MAGI1: variants seen among roughly 807,000 people sequenced by gnomAD.
The protein encoded by MAGI1 is membrane-associated guanylate kinase, WW and PDZ domain-containing protein 1.
In MAGI1, 58 loss-of-function variants were observed where a neutral mutation model predicts 139.9. The ratio of observed to expected loss-of-function variants is 0.41; its 90% CI spans 0.34 to 0.52. The LOEUF is 0.52. Among genes scored for constraint, MAGI1 ranks in the 20% least tolerant of loss-of-function variants. The pLI, the probability that MAGI1 is intolerant of heterozygous loss-of-function variation, is 0.12. For missense variants in MAGI1, 1,874 were observed against 1,901.6 expected (o/e 0.99, Z 0.27); for synonymous variants, 812 against 737.9 (o/e 1.10, Z -1.63).
intron 1 of MAGI1, among the ~76,000 whole-genome samples, chr3:65,745,144 A>G (rs1370923321): frequency 6.6e-6 from 1 of 152,136 alleles, no homozygotes; most frequent in African/African-American, 2.4e-5. Flanking sequence ...CTATTTTCGC[A>G]TATTAAATTA....
intron 12 of MAGI1, among the ~76,000 whole-genome samples, chr3:65,413,863 T>A (rs1303346750): frequency 6.6e-6 from 1 of 152,090 alleles, no homozygotes; most frequent in East Asian, 1.9e-4. Context: ...TGCAGGAAAA[T>A]GCAAGAACTG....
chr3:65,429,416 T>A (rs891184640), intron 12 of MAGI1, 104 bp downstream of exon 12: 1 of 1,206,916 alleles, frequency 8.3e-7, no homozygotes, highest in Non-Finnish European at 1.1e-6. Context: ...TTTGAAACAT[T>A]TAAATAAATT....
chr3:65,576,140 T>C (rs186249533), intron 2 of MAGI1, among the ~76,000 whole-genome samples: 14 of 152,364 alleles, frequency 9.2e-5, no homozygotes, highest in African/African-American at 2.4e-5. Context: ...TTTATGTATA[T>C]ATACACACAG....
intron 1 of MAGI1, among the ~76,000 whole-genome samples, chr3:65,728,350 A>G (rs2033837664): frequency 6.6e-6 from 1 of 152,228 alleles, no homozygotes; most frequent in Non-Finnish European, 1.5e-5. Flanking sequence ...AAAGAGAGAC[A>G]GACCACGTGG....
At chr3:65,591,660 A>G (rs1197354916) in intron 2 of MAGI1, among the ~76,000 whole-genome samples, 1 of 152,112 alleles carries the variant, frequency 6.6e-6, no homozygotes, top group African/African-American at 2.4e-5. Context: ...TAAAATGTCT[A>G]GCATAATCTG....
chr3:65,356,579 G>C lies in MAGI1; in HGVS notation c.4188C>G (p.Ala1396=). The change falls in exon 23 of 23, where the codon GCC becomes GCG. Residue 1396 remains alanine (A), a synonymous_variant. Coordinates refer to ENST00000402939, the MANE Select transcript of MAGI1 (RefSeq NM_001033057.2). ...RRRGGSPERR[A]KSTDRRRARS... ...GTGCGCGCCTCCGGTCGGTGGACTT[G>C]GCCCTGCGCTCGGGCGAGCCCCCTC... 1 of 1,605,858 alleles carries C rather than the reference G, an allele frequency of 6.2e-7. No individual in the cohort carries two copies. Among genetic ancestry groups the C allele is most frequent in the Non-Finnish European group, 8.5e-7 (1 of 1,178,264 alleles).
chr3:65,748,061 C>T (rs2035846942), intron 1 of MAGI1, among the ~76,000 whole-genome samples: 1 of 152,164 alleles, frequency 6.6e-6, no homozygotes, highest in South Asian at 2.1e-4. Flanking sequence ...CTCCTCCTCT[C>T]TCCGAAACTG....
At chr3:65,564,708 C>G (rs940550125) in intron 2 of MAGI1, among the ~76,000 whole-genome samples, 2 of 152,192 alleles carry the variant, frequency 1.3e-5, no homozygotes, top group Non-Finnish European at 2.9e-5. Context: ...GTGTGCATTC[C>G]GATGTCCTAA....
intron 1 of MAGI1, among the ~76,000 whole-genome samples, chr3:65,626,756 C>A (rs1334565578): frequency 2.0e-5 from 3 of 152,222 alleles, no homozygotes. Context: ...ACAGAGTTTA[C>A]TATGCTGCCA....
At chr3:65,676,010 C>T (rs1046161997) in intron 1 of MAGI1, among the ~76,000 whole-genome samples, 3 of 152,146 alleles carry the variant, frequency 2.0e-5, no homozygotes, top group Admixed American at 2.0e-4. Flanking sequence ...GGAGAAAAAC[C>T]ACATGGTTAT....
intron 1 of MAGI1, among the ~76,000 whole-genome samples, chr3:65,914,510 A>T (rs1200640069): frequency 6.6e-6 from 1 of 152,198 alleles, no homozygotes; most frequent in Admixed American, 6.5e-5. Context: ...GTTCAAGCCA[A>T]GCCTCAAGGC....
chr3:65,369,763 C>A (rs1941802807), intron 18 of MAGI1, among the ~76,000 whole-genome samples: 1 of 152,062 alleles, frequency 6.6e-6, no homozygotes, highest in African/African-American at 2.4e-5. Flanking sequence ...CCCACCTTGG[C>A]CACCCAACGT....
chr3:65,692,908 T>C (rs1009063433), intron 1 of MAGI1, among the ~76,000 whole-genome samples: 7 of 151,992 alleles, frequency 4.6e-5, no homozygotes, highest in Non-Finnish European at 4.4e-5. Flanking sequence ...ACTTCCACAA[T>C]TGTAAGAAAT....
chr3:65,683,454 C>A (rs1219323058), intron 1 of MAGI1, among the ~76,000 whole-genome samples: 2 of 150,566 alleles, frequency 1.3e-5, no homozygotes, highest in Non-Finnish European at 3.0e-5. Flanking sequence ...CTTAAAACTG[C>A]TCTAAAAAAA....
chr3:66,014,921 A>G (rs1386591520), intron 1 of MAGI1, among the ~76,000 whole-genome samples: 2 of 152,170 alleles, frequency 1.3e-5, no homozygotes, highest in African/African-American at 2.4e-5. Flanking sequence ...TCCTACAGAC[A>G]AATACTACCT....
At chr3:65,374,588 G>GTA (rs530667998) in intron 18 of MAGI1, among the ~76,000 whole-genome samples, 260 of 152,280 alleles carry the variant, frequency 1.7e-3, no homozygotes, top group South Asian at 4.8e-3. Flanking sequence ...AAAGTGCTGG[G>GTA]ATTACAGGCG....
chr3:65,713,990 AAAAAATCAT>A (rs2031868500), intron 1 of MAGI1, among the ~76,000 whole-genome samples: 1 of 152,200 alleles, frequency 6.6e-6, no homozygotes, highest in African/African-American at 2.4e-5. Context: ...AGCTCAAACA[AAAAAATCAT>A]AAAAAGCACC....
At chr3:65,673,447 C>T (rs541759533) in intron 1 of MAGI1, among the ~76,000 whole-genome samples, 3 of 152,198 alleles carry the variant, frequency 2.0e-5, no homozygotes, top group South Asian at 2.1e-4. Context: ...ACCAAATATT[C>T]GGGTTAAATA....
chr3:65,523,128 A>T (rs368532813), intron 2 of MAGI1, among the ~76,000 whole-genome samples: 1 of 152,174 alleles, frequency 6.6e-6, no homozygotes, highest in African/African-American at 2.4e-5. Flanking sequence ...CACACATATT[A>T]TGTTTGCCAG....
Sources: allele counts gnomAD v4.1 joint callset (sites outside exome capture counted in the v4.1 genomes callset), GRCh38; gene constraint gnomAD v4.1.1; transcripts MANE v1.5; gene names NCBI Gene and HGNC (gene_info 2026-07-23, HGNC 2026-07-21).